The following UNC79 variants were observed in gnomAD, a reference collection of about 807,000 sequenced individuals.
UNC79 encodes unc-79 subunit of NALCN channel complex, also known as protein unc-79 homolog.
UNC79 carries 37 observed loss-of-function variants against 283.1 expected under a neutral mutation model. That is an observed-to-expected ratio of 0.13 (90% CI 0.10 to 0.17). UNC79 has a LOEUF of 0.17. Among genes scored for constraint, UNC79 ranks in the 10% least tolerant of loss-of-function variants. The pLI, the probability that UNC79 is intolerant of heterozygous loss-of-function variation, is 1.00. For synonymous variants in UNC79, 1,107 were observed against 1,200.2 expected, an observed-to-expected ratio of 0.92 and a Z score of 1.61; for missense variants, 2,272 against 3,211.1, an observed-to-expected ratio of 0.71 and a Z score of 7.07.
At chr14:93,675,254 T>C (rs568672713) in intron 41 of UNC79, among the ~76,000 whole-genome samples, 2 of 152,226 alleles carry the variant, frequency 1.3e-5, no homozygotes, top group South Asian at 2.1e-4. Context: ...TGCCAATTAC[T>C]CTCCTGAAAG....
chr14:93,577,493 T>G (rs1219835839), intron 17 of UNC79, among the ~76,000 whole-genome samples: 1 of 152,232 alleles, frequency 6.6e-6, no homozygotes, highest in Non-Finnish European at 1.5e-5. Flanking sequence ...AACATTATCT[T>G]GCAATATTTT....
intron 1 of UNC79, among the ~76,000 whole-genome samples, chr14:93,423,434 G>GA (rs1419823661): frequency 1.3e-5 from 2 of 152,000 alleles, no homozygotes; most frequent in African/African-American, 2.4e-5. Context: ...AACAAAACTG[G>GA]AAAAAATCAC....
intron 22 of UNC79, among the ~76,000 whole-genome samples, chr14:93,592,268 G>A (rs1197964488): frequency 3.4e-5 from 5 of 146,436 alleles, no homozygotes; most frequent in African/African-American, 1.0e-4. Flanking sequence ...TCTGCCTCCC[G>A]GGTTCACGCC....
At chr14:93,573,698 G>C (rs1269655057) in intron 16 of UNC79, among the ~76,000 whole-genome samples, 1 of 152,092 alleles carries the variant, frequency 6.6e-6, no homozygotes, top group Non-Finnish European at 1.5e-5. Context: ...AAGAGTAAAG[G>C]GACCATTTTT....
chr14:93,391,292 A>G (rs780858532), intron 1 of UNC79, among the ~76,000 whole-genome samples: 2 of 152,220 alleles, frequency 1.3e-5, no homozygotes, highest in Non-Finnish European at 2.9e-5. Context: ...AAAGGAAAAG[A>G]AACTTGACTT....
At chr14:93,538,154 C>T (rs747698158) in exon 12 of UNC79, 1 of 1,613,974 alleles carries the variant, frequency 6.2e-7, no homozygotes, top group South Asian at 1.1e-5. Flanking sequence ...GACCTCTCCT[C>T]CGCCCATCAA....
intron 1 of UNC79, among the ~76,000 whole-genome samples, chr14:93,381,413 T>G (rs2054663171): frequency 6.6e-6 from 1 of 152,010 alleles, no homozygotes. Flanking sequence ...TGTCCTAGGG[T>G]TTGGGGTTCA....
At chr14:93,600,542 CTTT>C in intron 24 of UNC79, 24 bp from the exon 25 acceptor site, 1 of 1,190,376 alleles carries the variant, frequency 8.4e-7, no homozygotes. Context: ...TTCTTCTTTT[CTTT>C]TTTTTTTTCC....
At chr14:93,386,769 C>G (rs1164816435) in intron 1 of UNC79, among the ~76,000 whole-genome samples, 1 of 151,866 alleles carries the variant, frequency 6.6e-6, no homozygotes, top group Non-Finnish European at 1.5e-5. Context: ...GTTACAGTGC[C>G]TCCTTTTTCA....
intron 32 of UNC79, among the ~76,000 whole-genome samples, chr14:93,637,960 A>G (rs1296576223): frequency 6.6e-6 from 1 of 152,240 alleles, no homozygotes; most frequent in South Asian, 2.1e-4. Context: ...TCTCTGAAGT[A>G]TACATTGAAA....
intron 23 of UNC79, among the ~76,000 whole-genome samples, chr14:93,596,402 A>G (rs1435527113): frequency 1.3e-5 from 2 of 152,226 alleles, no homozygotes; most frequent in African/African-American, 4.8e-5. Context: ...TGGGAGGCCA[A>G]AGCAGGCAGA....
In UNC79 at chr14:93,543,057, C is replaced by T. The variant is rs540444101; in HGVS notation, c.1755+361C>T. On this transcript the variant is annotated intron_variant, in intron 14 of 48. Coordinates refer to ENST00000555664, the Ensembl canonical transcript of UNC79. ...CTCCTGCCTCAGCCTCTGGAGTAGC[C>T]GGGAAGCTAAATATTTTTATTAAGA... Among the ~76,000 whole-genome samples the T allele has an allele frequency of 4.0e-5, 6 of 149,832 alleles. No individual in the cohort carries two copies. The East Asian group carries it at 8.0e-4, about 20-fold the overall frequency.
chr14:93,587,508 G>C (rs1419433170), intron 22 of UNC79, among the ~76,000 whole-genome samples: 1 of 152,166 alleles, frequency 6.6e-6, no homozygotes, highest in Non-Finnish European at 1.5e-5. Flanking sequence ...AGGTTAACTT[G>C]ATGACAAACC....
chr14:93,373,907 C>T (rs536402014), intron 1 of UNC79, among the ~76,000 whole-genome samples: 1 of 152,302 alleles, frequency 6.6e-6, no homozygotes, highest in Non-Finnish European at 1.5e-5. Flanking sequence ...ACATCATACA[C>T]TATGACTAAG....
rs1462019319 is a variant in UNC79 at position 93,581,562 on chromosome 14, C to T, written c.2662-641C>T. Among the ~76,000 whole-genome samples the T allele has an allele frequency of 4.4e-5, 6 of 135,694 alleles. 1 individual carries two copies. The highest frequency in any genetic ancestry group is 4.6e-4 in the South Asian group (2 of 4,302). The allele number at this position is 135,694 out of a possible 152,430, so 89.0% of individuals were successfully genotyped here. A position where few individuals can be genotyped will look rare whatever the true frequency, so the allele number is the denominator to read the frequency against. On this transcript the variant is annotated intron_variant, in intron 19 of 48. Coordinates refer to ENST00000555664, the Ensembl canonical transcript of UNC79. ...AGGCTGGAGTACTGTGGTATGATCT[C>T]GGCTCACTGCAACCTCTGCCTCCCA...
At chr14:93,510,022 G>C (rs933376706) in intron 7 of UNC79, among the ~76,000 whole-genome samples, 1 of 152,166 alleles carries the variant, frequency 6.6e-6, no homozygotes, top group African/African-American at 2.4e-5. Context: ...CTCAACTCTT[G>C]CCCTCTGCAT....
intron 1 of UNC79, among the ~76,000 whole-genome samples, chr14:93,395,431 A>G (rs1736957135): frequency 6.6e-6 from 1 of 152,226 alleles, no homozygotes; most frequent in Admixed American, 6.5e-5. Flanking sequence ...AAGGGGAACA[A>G]GCACATCTTA....
intron 47 of UNC79, among the ~76,000 whole-genome samples, chr14:93,699,031 AT>A (rs1043855517): frequency 1.3e-5 from 2 of 152,062 alleles, no homozygotes; most frequent in African/African-American, 4.8e-5. Flanking sequence ...GATGGTACAT[AT>A]TTTTTCATCT....
intron 37 of UNC79, among the ~76,000 whole-genome samples, 189 bp from the exon 41 acceptor site, chr14:93,655,045 T>A (rs1267065381): frequency 1.3e-5 from 2 of 152,206 alleles, no homozygotes; most frequent in African/African-American, 2.4e-5. Context: ...CTCATCAATT[T>A]TCCCCCTTAA....
Sources: gnomAD v4.1 joint callset for allele counts (sites outside exome capture counted in the v4.1 genomes callset) on GRCh38, gnomAD v4.1.1 for gene constraint, MANE v1.5 for transcripts, NCBI Gene and HGNC (gene_info 2026-07-23, HGNC 2026-07-21) for gene names.